The following SLX4IP variants were observed in gnomAD, a reference collection of about 807,000 sequenced individuals.
SLX4IP encodes the protein SLX4 interacting protein, also known as protein SLX4IP.
Under a neutral mutation model 32.9 loss-of-function variants are expected in SLX4IP, and 34 were observed. The observed-to-expected ratio is 1.03, with a 90% confidence interval of 0.79 to 1.38. The LOEUF is 1.38. SLX4IP is among the 40% of genes most tolerant of loss of function. The pLI is 0.00. For synonymous variants in SLX4IP, 172 were observed against 171.7 expected (o/e 1.00, Z -0.01); for missense variants, 444 against 479.0 (o/e 0.93, Z 0.68).
rs1392962694 is a variant in SLX4IP at position 10,435,447 on chromosome 20, A to G, written c.-36A>G. On this transcript the variant is annotated 5_prime_UTR_variant, in exon 1 of 8. Transcript: ENST00000334534. ...AAGCCCGAGCCCAAACCCCGCCACC[A>G]TCATAGGTAAGCACATGGACCTCTG... is the stretch of plus-strand genomic sequence containing the variant. 1 of 152,246 alleles carries G rather than the reference A, an allele frequency of 6.6e-6. No homozygotes were observed. Among genetic ancestry groups the G allele is most frequent in the Non-Finnish European group, 1.5e-5 (1 of 68,064 alleles). The allele number at this position is 152,246 out of a possible 1,614,324, so 9.4% of individuals were successfully genotyped here.
intron 5 of SLX4IP, among the ~76,000 whole-genome samples, chr20:10,601,254 C>A (rs1431555581): frequency 2.0e-5 from 3 of 152,254 alleles, no homozygotes; most frequent in Non-Finnish European, 1.5e-5. Context: ...AGTTTGCCCT[C>A]CAGGGTCGGG....
In SLX4IP at chr20:10,622,651, T is replaced by G; in HGVS notation, c.507-8T>G. The G allele has an allele frequency of 6.3e-7, 1 of 1,595,002 alleles. No individual in the cohort carries two copies. The highest frequency in any genetic ancestry group is 8.5e-7 in the Non-Finnish European group (1 of 1,171,862). Reference sequence around the variant, plus strand: ...TACAAACCATAAAATCATTTTTGTTTGTTTCAGTGTGAAAAGAACTGAAAC... The same window carrying G: ...TACAAACCATAAAATCATTTTTGTTGGTTTCAGTGTGAAAAGAACTGAAAC... On this transcript the variant is annotated splice_region_variant and splice_polypyrimidine_tract_variant and intron_variant, in intron 7 of 7. Coordinates refer to ENST00000334534, the MANE Select transcript of SLX4IP (RefSeq NM_001009608.3).
chr20:10,565,368 A>G (rs2066380332), intron 4 of SLX4IP, among the ~76,000 whole-genome samples: 1 of 152,196 alleles, frequency 6.6e-6, no homozygotes, highest in South Asian at 2.1e-4. Flanking sequence ...GAAGCTACGC[A>G]AAACAGCCTC....
At chr20:10,582,303 A>C (rs958102379) in intron 4 of SLX4IP, among the ~76,000 whole-genome samples, 3 of 151,530 alleles carry the variant, frequency 2.0e-5, no homozygotes, top group African/African-American at 7.3e-5. Flanking sequence ...TTTGTTTCCT[A>C]CTCTTATTTT....
intron 5 of SLX4IP, among the ~76,000 whole-genome samples, chr20:10,599,584 G>T (rs573175691): frequency 2.0e-5 from 3 of 150,910 alleles, no homozygotes; most frequent in South Asian, 4.2e-4. Flanking sequence ...ATTTTTGGTA[G>T]AGAAGGGGTC....
chr20:10,579,739 T>C (rs2066562640), intron 4 of SLX4IP, among the ~76,000 whole-genome samples: 1 of 152,222 alleles, frequency 6.6e-6, no homozygotes, highest in Admixed American at 6.5e-5. Context: ...ATTCTGTTTC[T>C]ACATGTGTTT....
In SLX4IP at chr20:10,623,384, G is replaced by A. The variant is rs567885313; in HGVS notation, c.*5G>A. On this transcript the variant is annotated 3_prime_UTR_variant, in exon 8 of 8. Transcript: ENST00000334534. ...AAATACGAAAGAGGCCATTAACACC[G>A]AAGAGGTTTGTACCGTTGGAGTTGA... 4.2e-5 allele frequency: 67 copies of A among 1,606,434 alleles called. No individual in the cohort carries two copies. Among genetic ancestry groups the A allele is most frequent in the East Asian group, 2.5e-4 (11 of 44,826 alleles).
intron 6 of SLX4IP, among the ~76,000 whole-genome samples, chr20:10,616,544 T>C (rs2067034317): frequency 6.6e-6 from 1 of 151,856 alleles, no homozygotes; most frequent in Non-Finnish European, 1.5e-5. Flanking sequence ...TCACCACCAG[T>C]ACACACACAC....
chr20:10,597,731 G>A (rs1314943580), intron 4 of SLX4IP, among the ~76,000 whole-genome samples: 1 of 152,132 alleles, frequency 6.6e-6, no homozygotes, highest in Non-Finnish European at 1.5e-5. Flanking sequence ...TGTGAACACT[G>A]TATGTTCATG....
At chr20:10,559,226 G>A (rs2066304463) in intron 3 of SLX4IP, among the ~76,000 whole-genome samples, 1 of 152,140 alleles carries the variant, frequency 6.6e-6, no homozygotes, top group Admixed American at 6.5e-5. Flanking sequence ...ATTCCATGAG[G>A]CACTGCATCT....
intron 2 of SLX4IP, among the ~76,000 whole-genome samples, chr20:10,487,801 T>C (rs2065587797): frequency 6.6e-6 from 1 of 152,182 alleles, no homozygotes; most frequent in African/African-American, 2.4e-5. Context: ...CGCTGAACAG[T>C]AGGTATTTTA....
chr20:10,627,454 C>T lies in SLX4IP; in HGVS notation c.*4075C>T, dbSNP rs982472688. On this transcript the variant is annotated 3_prime_UTR_variant, in exon 8 of 8. Coordinates refer to ENST00000334534, the MANE Select transcript of SLX4IP (RefSeq NM_001009608.3). Reference sequence around the variant, plus strand: ...TAATTACTCAGTACAGAAATCTAACCGTATATATCATTGGTATTGCAATTT... The same window carrying T: ...TAATTACTCAGTACAGAAATCTAACTGTATATATCATTGGTATTGCAATTT... 6 of 152,036 alleles carry T rather than the reference C, an allele frequency of 3.9e-5. No homozygotes were observed. The highest frequency in any genetic ancestry group is 6.6e-5 in the Admixed American group (1 of 15,264). 9.4% of individuals were successfully genotyped at this position (152,036 alleles called of 1,614,324 possible).
intron 2 of SLX4IP, among the ~76,000 whole-genome samples, chr20:10,540,565 C>CT (rs1164674711): frequency 6.6e-6 from 1 of 152,208 alleles, no homozygotes; most frequent in East Asian, 1.9e-4. Context: ...CCCTCCCACT[C>CT]TTTTCAGCCA....
intron 2 of SLX4IP, among the ~76,000 whole-genome samples, chr20:10,516,067 T>C (rs639002): frequency 0.6 from 90,658 of 152,006 alleles, 27,389 homozygotes; most frequent in South Asian, 0.74. Context: ...TTTTGTGTTT[T>C]TGTAGAGACG....
chr20:10,449,859 G>A (rs922684323), intron 1 of SLX4IP, among the ~76,000 whole-genome samples: 3 of 151,796 alleles, frequency 2.0e-5, no homozygotes, highest in Non-Finnish European at 4.4e-5. Context: ...GATCCCTAGA[G>A]ATCATTTTTT....
intron 2 of SLX4IP, among the ~76,000 whole-genome samples, chr20:10,547,357 G>A (rs1442690467): frequency 6.6e-6 from 1 of 152,184 alleles, no homozygotes; most frequent in Non-Finnish European, 1.5e-5. Context: ...TGACTGGGAA[G>A]TTACACATCC....
chr20:10,585,900 C>T (rs2066640725), intron 4 of SLX4IP, among the ~76,000 whole-genome samples: 1 of 152,138 alleles, frequency 6.6e-6, no homozygotes, highest in Admixed American at 6.5e-5. Flanking sequence ...CACTGCACAC[C>T]TTATTTCTAT....
At chr20:10,598,241 C>T (rs1057110188) in intron 4 of SLX4IP, among the ~76,000 whole-genome samples, 1 of 151,992 alleles carries the variant, frequency 6.6e-6, no homozygotes, top group African/African-American at 2.4e-5. Context: ...CAAGAGAAGC[C>T]CTCTGTTAAT....
chr20:10,559,870 C>T (rs1358693423), intron 3 of SLX4IP, among the ~76,000 whole-genome samples: 2 of 152,014 alleles, frequency 1.3e-5, no homozygotes, highest in Non-Finnish European at 2.9e-5. Context: ...TACGTTTTTA[C>T]AAAAACAAAG....
Sources: allele counts gnomAD v4.1 joint callset (sites outside exome capture counted in the v4.1 genomes callset), GRCh38; gene constraint gnomAD v4.1.1; transcripts MANE v1.5; gene names NCBI Gene and HGNC (gene_info 2026-07-23, HGNC 2026-07-21).